Variants in KHDRBS2 observed in about 807,000 individuals in gnomAD.
The protein encoded by KHDRBS2 is KH RNA binding domain containing, signal transduction associated 2, also known as KH domain-containing, RNA-binding, signal transduction-associated protein 2.
KHDRBS2 carries 26 observed loss-of-function variants against 44.3 expected under a neutral mutation model. The ratio of observed to expected loss-of-function variants is 0.59; its 90% CI spans 0.43 to 0.81. KHDRBS2 has a LOEUF of 0.81. KHDRBS2 is among the 40% of genes least tolerant of loss of function. The pLI is 0.00. For missense variants in KHDRBS2, 476 were observed against 433.1 expected (o/e 1.10, Z -0.88); for synonymous variants, 194 against 151.1 (o/e 1.28, Z -2.08).
intron 6 of KHDRBS2, among the ~76,000 whole-genome samples, chr6:61,866,390 T>A (rs1398899222): frequency 6.6e-6 from 1 of 152,196 alleles, no homozygotes. Flanking sequence ...TGTCGGCCCC[T>A]TTCAGCCATG....
chr6:61,864,742 G>A (rs773733130), intron 6 of KHDRBS2, among the ~76,000 whole-genome samples: 1 of 152,082 alleles, frequency 6.6e-6, no homozygotes, highest in Non-Finnish European at 1.5e-5. Context: ...GATGTGTCTT[G>A]GGGATGATCT....
chr6:62,177,129 T>C (rs1821274220), intron 2 of KHDRBS2, 56 bp downstream of exon 2: 4 of 1,029,090 alleles, frequency 3.9e-6, no homozygotes, highest in Middle Eastern at 2.6e-4. Flanking sequence ...TAAAATACCG[T>C]CTTCTTTTAT....
intron 6 of KHDRBS2, among the ~76,000 whole-genome samples, chr6:61,812,339 C>T (rs1166545232): frequency 2.0e-5 from 3 of 152,010 alleles, no homozygotes; most frequent in Non-Finnish European, 4.4e-5. Context: ...GTGAAGAGTG[C>T]TTGTCACATG....
intron 3 of KHDRBS2, among the ~76,000 whole-genome samples, chr6:62,002,166 G>A (rs1288902366): frequency 6.8e-6 from 1 of 147,842 alleles, no homozygotes; most frequent in Non-Finnish European, 1.5e-5. Context: ...TGGGCATTAA[G>A]AAGCATAATC....
the KHDRBS2 span, among the ~76,000 whole-genome samples, chr6:61,635,098 C>G: frequency 6.6e-6 from 1 of 151,840 alleles, no homozygotes. Flanking sequence ...TCTTACTATC[C>G]AATTAATCTC....
rs546859798 is a variant in KHDRBS2, at chr6:61,767,893, G to T, written c.811-35129C>A. Among the ~76,000 whole-genome samples the T allele has an allele frequency of 5.2e-4, 79 of 152,028 alleles. 2 individuals are homozygous for T. The South Asian group carries it at 0.016, about 31-fold the overall frequency. On this transcript the variant is annotated intron_variant, in intron 6 of 8. Transcript: ENST00000281156. ...TTCACCTTTTAATCTTTCTATTCAA[G>T]ATATGAATTATTTATACACCACACT...
At chr6:61,951,458 C>A (rs191457174) in intron 4 of KHDRBS2, among the ~76,000 whole-genome samples, 6 of 152,044 alleles carry the variant, frequency 3.9e-5, no homozygotes, top group South Asian at 2.1e-4. Flanking sequence ...TAGTATTGTA[C>A]CAGAAATTCT....
intron 6 of KHDRBS2, among the ~76,000 whole-genome samples, chr6:61,821,227 G>A (rs1789864479): frequency 6.6e-6 from 1 of 151,996 alleles, no homozygotes. Flanking sequence ...GACCACCTCT[G>A]TTAGAATCTA....
chr6:61,946,393 C>T (rs1813379872), intron 4 of KHDRBS2, among the ~76,000 whole-genome samples: 1 of 152,198 alleles, frequency 6.6e-6, no homozygotes, highest in Non-Finnish European at 1.5e-5. Flanking sequence ...GTCATCCATG[C>T]TGCTGTCTTG....
intron 1 of KHDRBS2, among the ~76,000 whole-genome samples, chr6:62,213,104 T>C (rs1447739280): frequency 4.6e-5 from 7 of 152,184 alleles, no homozygotes; most frequent in Non-Finnish European, 1.0e-4. Context: ...GTAGCAAGTG[T>C]AGGATTCCAG....
chr6:61,817,657 A>G (rs1238940863), intron 6 of KHDRBS2, among the ~76,000 whole-genome samples: 1 of 152,180 alleles, frequency 6.6e-6, no homozygotes, highest in East Asian at 1.9e-4. Context: ...TTGGATATTT[A>G]TTAGTTATTA....
At chr6:61,698,785 A>G (rs536182062) in intron 7 of KHDRBS2, among the ~76,000 whole-genome samples, 1 of 152,080 alleles carries the variant, frequency 6.6e-6, no homozygotes, top group Admixed American at 6.6e-5. Context: ...TTACAAACAC[A>G]TTACTGCCTC....
intron 2 of KHDRBS2, among the ~76,000 whole-genome samples, chr6:62,165,759 T>G (rs1389253582): frequency 1.3e-5 from 2 of 152,148 alleles, no homozygotes; most frequent in East Asian, 3.9e-4. Flanking sequence ...GGACTTGAAC[T>G]TCTGTGTTTA....
At chr6:61,750,760 T>TA (rs61576563) in intron 6 of KHDRBS2, among the ~76,000 whole-genome samples, 1,500 of 116,478 alleles carry the variant, frequency 0.013, 8 homozygotes, top group Middle Eastern at 0.059. Flanking sequence ...GAGAAAAAAG[T>TA]AAAAAAAAAA....
intron 1 of KHDRBS2, among the ~76,000 whole-genome samples, chr6:62,206,599 A>G (rs1828019095): frequency 6.6e-6 from 1 of 152,106 alleles, no homozygotes; most frequent in Non-Finnish European, 1.5e-5. Flanking sequence ...TTATAAATAT[A>G]GAAATAAAAA....
chr6:61,897,711 G>GTCTC lies in KHDRBS2; in HGVS notation c.612-2882_612-2879dup, dbSNP rs113407645. 2.2e-3 allele frequency among the ~76,000 whole-genome samples: 328 copies of GTCTC among 148,564 alleles called. 1 individual carries two copies. Among genetic ancestry groups the GTCTC allele is most frequent in the East Asian group, 0.014 (71 of 5,072 alleles). Reference sequence around the variant, plus strand: ...GCCATAAGACGGTTTCTCTGTCTCTGTCTCTCTCTCTCTCTCTCTCTCTCA... The same window carrying GTCTC: ...GCCATAAGACGGTTTCTCTGTCTCTGTCTCTCTCTCTCTCTCTCTCTCTCTCTCA... On this transcript the variant is annotated intron_variant, in intron 5 of 8. Transcript: ENST00000281156.
In KHDRBS2 at chr6:61,696,577, C is replaced by T. The variant is rs1767937540; in HGVS notation, c.952+618G>A. Reference sequence around the variant, plus strand: ...CGGCCACATATGTATTTTAAAGAATCGCAAACTATGTCTCAAACATGATGT... The same window carrying T: ...CGGCCACATATGTATTTTAAAGAATTGCAAACTATGTCTCAAACATGATGT... On this transcript the variant is annotated intron_variant, in intron 8 of 8. Transcript: ENST00000281156. Among the ~76,000 whole-genome samples the T allele has an allele frequency of 4.6e-5, 7 of 151,872 alleles. 1 individual carries two copies. In the South Asian group the frequency reaches 1.0e-3, roughly 23 times the overall value.
At chr6:61,828,512 C>T (rs1791284429) in intron 6 of KHDRBS2, among the ~76,000 whole-genome samples, 2 of 152,048 alleles carry the variant, frequency 1.3e-5, no homozygotes, top group Admixed American at 1.3e-4. Context: ...CATTATTAAC[C>T]CAGCACTTGA....
intron 6 of KHDRBS2, among the ~76,000 whole-genome samples, chr6:61,754,755 G>A (rs1313942720): frequency 2.0e-5 from 3 of 152,204 alleles, no homozygotes; most frequent in Non-Finnish European, 4.4e-5. Context: ...ATGAAAAAAA[G>A]ATAGGAGTGC....
Sources: gnomAD v4.1 joint callset for allele counts (sites outside exome capture counted in the v4.1 genomes callset) on GRCh38, gnomAD v4.1.1 for gene constraint, MANE v1.5 for transcripts, NCBI Gene and HGNC (gene_info 2026-07-23, HGNC 2026-07-21) for gene names.